Variants in FGD5 observed in about 807,000 individuals in gnomAD.
The protein encoded by FGD5 is FYVE, RhoGEF and PH domain containing 5, also known as FYVE, RhoGEF and PH domain-containing protein 5.
In FGD5, 28 loss-of-function variants were observed where a neutral mutation model predicts 133.4. The ratio of observed to expected loss-of-function variants is 0.21; its 90% confidence interval spans 0.16 to 0.29. FGD5 has a LOEUF of 0.29. Among genes scored for constraint, FGD5 ranks in the 10% least tolerant of loss-of-function variants. The pLI is 1.00. For missense variants in FGD5, 1,858 were observed against 1,895.2 expected (o/e 0.98, Z 0.36); for synonymous variants, 810 against 776.5 (o/e 1.04, Z -0.72).
chr3:14,925,335 ATC>A (rs1239611141), intron 17 of FGD5, among the ~76,000 whole-genome samples: 1 of 152,130 alleles, frequency 6.6e-6, no homozygotes, highest in Non-Finnish European at 1.5e-5. Flanking sequence ...ATTATACAGA[ATC>A]TCTTCTGTTT....
intron 9 of FGD5, among the ~76,000 whole-genome samples, chr3:14,901,602 G>C (rs1437296304): frequency 6.6e-6 from 1 of 152,196 alleles, no homozygotes; most frequent in Non-Finnish European, 1.5e-5. Context: ...CTAAGCTGTA[G>C]GCATGCCAGC....
At chr3:14,915,340 G>A (rs2038531651) in intron 11 of FGD5, among the ~76,000 whole-genome samples, 1 of 152,250 alleles carries the variant, frequency 6.6e-6, no homozygotes, top group Non-Finnish European at 1.5e-5. Context: ...GGGAAAAGAA[G>A]TATTCATTCT....
chr3:14,912,031 G>A (rs1418226962), intron 11 of FGD5, among the ~76,000 whole-genome samples: 2 of 152,006 alleles, frequency 1.3e-5, no homozygotes, highest in Admixed American at 1.3e-4. Context: ...AGAGGCATGA[G>A]GAGTGTGGTG....
intron 1 of FGD5, among the ~76,000 whole-genome samples, chr3:14,831,925 G>C (rs763998418): frequency 6.6e-6 from 1 of 152,194 alleles, no homozygotes; most frequent in Admixed American, 6.5e-5. Context: ...CAGTGGCTCA[G>C]TGCAGAATAA....
intron 1 of FGD5, among the ~76,000 whole-genome samples, chr3:14,847,518 G>T (rs979677930): frequency 6.6e-6 from 1 of 152,180 alleles, no homozygotes; most frequent in Non-Finnish European, 1.5e-5. Flanking sequence ...GGAGCTTTCA[G>T]TAAACATTAA....
intron 6 of FGD5, 52 bp from the exon 7 acceptor site, chr3:14,898,687 G>T: frequency 6.9e-7 from 1 of 1,448,754 alleles, no homozygotes. Flanking sequence ...TGAGCATGGT[G>T]CCTTCAGGAG....
chr3:14,896,193 C>T (rs1282074162), intron 4 of FGD5, among the ~76,000 whole-genome samples: 2 of 152,120 alleles, frequency 1.3e-5, no homozygotes, highest in Non-Finnish European at 2.9e-5. Context: ...ACTAATATTG[C>T]TAAAATGACA....
In FGD5 at chr3:14,922,530, C is replaced by G; in HGVS notation, c.3789C>G (p.His1263Gln). The G allele has an allele frequency of 1.3e-6, 2 of 1,581,484 alleles. No homozygotes were observed. The highest frequency in any genetic ancestry group is 2.3e-5 in the East Asian group (1 of 43,232). ...CDFSLTLRRH[H>Q]CHACGKIVCR... The stretch of plus-strand genomic sequence containing the variant: ...TCTCCCTCACCCTGCGGCGTCATCA[C>G]TGTCACGCCTGTGGCAAGGTGAGTC... The change falls in exon 15 of 20, where the codon CAC becomes CAG. Residue 1263 changes from histidine to glutamine, a missense_variant. Coordinates refer to ENST00000285046, the MANE Select transcript of FGD5 (RefSeq NM_152536.4). This position sits in a 1 kb window ranked among gnomAD's most constrained non-coding sequence, Gnocchi z 4.1.
chr3:14,907,760 C>T, intron 10 of FGD5, 49 bp downstream of exon 10: 9 of 1,579,160 alleles, frequency 5.7e-6, no homozygotes, highest in Non-Finnish European at 7.8e-6. Flanking sequence ...GGGCGAGGCT[C>T]CGATAAGCCC....
intron 1 of FGD5, among the ~76,000 whole-genome samples, chr3:14,829,381 C>T (rs1044146983): frequency 6.6e-6 from 1 of 151,872 alleles, no homozygotes; most frequent in African/African-American, 2.4e-5. Flanking sequence ...AGGTGGAGAA[C>T]GGAGGGGATG....
At chr3:14,870,520 C>T (rs563906851) in intron 2 of FGD5, among the ~76,000 whole-genome samples, 9 of 152,346 alleles carry the variant, frequency 5.9e-5, no homozygotes, top group Admixed American at 5.2e-4. Flanking sequence ...ATCCTCTTCC[C>T]TGGGCTTGCC....
upstream of FGD5, chr3:14,818,834 G>A (rs1306165184): frequency 6.5e-6 from 7 of 1,081,966 alleles, no homozygotes; most frequent in South Asian, 1.0e-4. Flanking sequence ...AGCACGGGAG[G>A]TGGGCTTCAC....
intron 4 of FGD5, among the ~76,000 whole-genome samples, chr3:14,890,693 G>T (rs1376198868): frequency 1.3e-5 from 2 of 152,234 alleles, no homozygotes; most frequent in African/African-American, 2.4e-5. Context: ...TCATGTTGGT[G>T]GTGGCCATCC....
chr3:14,843,085 A>G (rs2036956035), intron 1 of FGD5, among the ~76,000 whole-genome samples: 1 of 152,124 alleles, frequency 6.6e-6, no homozygotes, highest in South Asian at 2.1e-4. Flanking sequence ...AATACTTGAT[A>G]TTTCTTCAAG....
chr3:14,916,761 A>G (rs1238546345), intron 11 of FGD5, among the ~76,000 whole-genome samples: 1 of 152,164 alleles, frequency 6.6e-6, no homozygotes, highest in Non-Finnish European at 1.5e-5. Flanking sequence ...GTCCCTATTT[A>G]GATTAGTTCT....
Position 14,901,013 on chromosome 3 carries a change from C to T in FGD5, c.3216C>T (p.Ser1072=), listed in dbSNP as rs377001972. ...AEYDNTQGAL[S]LISKVTDRAN... The stretch of plus-strand genomic sequence containing the variant: ...TGTGTCCCTCCCCAGGTGCACTGAG[C>T]CTCATCTCCAAAGTCACAGACCGTG... Residue 1072 remains serine, a synonymous_variant, in exon 9 of 20, where the codon AGC becomes AGT. Transcript: ENST00000285046. 5 of 1,613,898 alleles carry T rather than the reference C, an allele frequency of 3.1e-6. No individual in the cohort carries two copies. The South Asian group carries it at 4.4e-5, about 14-fold the overall frequency.
intron 4 of FGD5, among the ~76,000 whole-genome samples, chr3:14,888,268 G>A (rs151246885): frequency 1.4e-3 from 213 of 152,182 alleles, no homozygotes; most frequent in African/African-American, 4.6e-3. Flanking sequence ...ATTAAGCACA[G>A]TCTTGAACAA....
At chr3:14,895,431 A>T (rs1286427998) in intron 4 of FGD5, among the ~76,000 whole-genome samples, 1 of 152,174 alleles carries the variant, frequency 6.6e-6, no homozygotes, top group Non-Finnish European at 1.5e-5. Context: ...TTAGTTATTT[A>T]GTTTTCCGAG....
intron 2 of FGD5, among the ~76,000 whole-genome samples, chr3:14,865,812 C>T (rs2037483808): frequency 6.6e-6 from 1 of 152,242 alleles, no homozygotes; most frequent in African/African-American, 2.4e-5. Context: ...TTGCCTATCA[C>T]TGCGGGCCTT....
Sources: gnomAD v4.1 joint callset for allele counts (sites outside exome capture counted in the v4.1 genomes callset) on GRCh38, gnomAD v4.1.1 for gene constraint, Gnocchi (gnomAD v3.1) non-coding constraint, MANE v1.5 for transcripts, NCBI Gene and HGNC (gene_info 2026-07-23, HGNC 2026-07-21) for gene names.